The following TPH2 variants were observed in gnomAD, a reference collection of about 807,000 sequenced individuals.
TPH2 encodes the protein tryptophan 5-hydroxylase 2.
A neutral mutation model predicts 59.1 loss-of-function variants in TPH2; 27 were observed. The ratio of observed to expected loss-of-function variants is 0.46; its 90% CI spans 0.34 to 0.63. The LOEUF (loss-of-function observed/expected upper bound fraction) is 0.63. TPH2 is among the 30% of genes least tolerant of loss of function. The pLI is 0.01. For synonymous variants in TPH2, 220 were observed against 210.5 expected, an observed-to-expected ratio of 1.05 and a Z score of -0.39; for missense variants, 523 against 588.3, an observed-to-expected ratio of 0.89 and a Z score of 1.15.
At chr12:71,986,103 C>G (rs1347035342) in intron 7 of TPH2, among the ~76,000 whole-genome samples, 1 of 152,198 alleles carries the variant, frequency 6.6e-6, no homozygotes, top group Non-Finnish European at 1.5e-5. Flanking sequence ...TGTCCTCAGG[C>G]AGAAGGACCT....
At chr12:72,022,941 T>C (rs1222518858) in intron 9 of TPH2, among the ~76,000 whole-genome samples, 1 of 152,206 alleles carries the variant, frequency 6.6e-6, no homozygotes, top group African/African-American at 2.4e-5. Flanking sequence ...TGTTTCAGCT[T>C]CTTCAAAATT....
rs752096291 is a variant in TPH2 at position 71,944,331 on chromosome 12, A to T, written c.293A>T (p.Lys98Ile). 2 of 1,613,868 alleles carry T rather than the reference A, an allele frequency of 1.2e-6. No individual in the cohort carries two copies. Among genetic ancestry groups the T allele is most frequent in the Non-Finnish European group, 1.7e-6 (2 of 1,179,818 alleles). The change falls in exon 3 of 11, where the codon AAA becomes ATA. Residue 98 changes from lysine (K) to isoleucine (I), a missense_variant. Coordinates refer to ENST00000333850, the MANE Select transcript of TPH2 (RefSeq NM_173353.4). ...RVNMVHIESR[K>I]SRRRSSEVEI... ...AACATGGTTCATATTGAATCCAGGA[A>T]ATCTCGGCGAAGAAGTTCTGAGGTT...
intron 7 of TPH2, among the ~76,000 whole-genome samples, chr12:71,986,706 G>A (rs892784472): frequency 4.2e-5 from 6 of 142,482 alleles, no homozygotes; most frequent in Non-Finnish European, 7.5e-5. Flanking sequence ...ACCCAGTTCT[G>A]TTTTCCTTGT....
intron 8 of TPH2, among the ~76,000 whole-genome samples, chr12:72,018,742 C>T (rs1372393076): frequency 6.6e-6 from 1 of 152,146 alleles, no homozygotes; most frequent in Non-Finnish European, 1.5e-5. Flanking sequence ...GCCAAAGGCA[C>T]ACTAAGAAGA....
rs1871487028 is a variant in TPH2 at position 71,956,080 on chromosome 12, A to G, written c.608+6425A>G. Among the ~76,000 whole-genome samples, 4 of 152,182 alleles carry G rather than the reference A, an allele frequency of 2.6e-5. No homozygotes were observed. In the South Asian group the frequency reaches 8.3e-4, roughly 32 times the overall value. On this transcript the variant is annotated intron_variant, in intron 5 of 10. Coordinates refer to ENST00000333850, the MANE Select transcript of TPH2 (RefSeq NM_173353.4). The stretch of plus-strand genomic sequence containing the variant: ...CAGAGGACCTGCTTCCAATATGGTT[A>G]CTCATAGGGCTGTTTGCAGGAGGCG...
rs536341656 is a variant in TPH2, at chr12:71,958,804, T to A, written c.608+9149T>A. On this transcript the variant is annotated intron_variant, in intron 5 of 10. Coordinates refer to ENST00000333850, the MANE Select transcript of TPH2 (RefSeq NM_173353.4). ...CTAGCTTATCTATTTCTTGATTTTTTTATTTATAAAATTGCACCCTTTGTG... is the reference window on the plus strand; with the variant it reads ...CTAGCTTATCTATTTCTTGATTTTTATATTTATAAAATTGCACCCTTTGTG... 5.9e-5 allele frequency among the ~76,000 whole-genome samples: 9 copies of A among 152,366 alleles called. No homozygotes were observed. The East Asian group carries it at 1.7e-3, about 29-fold the overall frequency.
At chr12:71,977,089 T>C (rs1234418776) in intron 6 of TPH2, among the ~76,000 whole-genome samples, 2 of 152,316 alleles carry the variant, frequency 1.3e-5, no homozygotes, top group Non-Finnish European at 2.9e-5. Context: ...TCTTGCTCTG[T>C]TGCCCAAGCT....
At chr12:71,953,332 C>T (rs531816457) in intron 5 of TPH2, among the ~76,000 whole-genome samples, 9 of 152,174 alleles carry the variant, frequency 5.9e-5, no homozygotes, top group African/African-American at 2.2e-4. Context: ...CGCATGCTGT[C>T]ATTGCTAAAG....
chr12:71,994,349 A>G (rs1326923031), intron 7 of TPH2, 90 bp from the exon 8 acceptor site: 4 of 1,407,724 alleles, frequency 2.8e-6, no homozygotes, highest in African/African-American at 2.8e-5. Context: ...TTACAGTGAC[A>G]AGGTCTTATT....
intron 5 of TPH2, among the ~76,000 whole-genome samples, chr12:71,953,453 G>A (rs775599132): frequency 1.3e-5 from 2 of 152,072 alleles, no homozygotes; most frequent in Admixed American, 6.6e-5. Flanking sequence ...AGATACTAAC[G>A]AATTCCAAAT....
chr12:71,962,407 T>G (rs1779516416), intron 5 of TPH2: 1 of 985,462 alleles, frequency 1.0e-6, no homozygotes, highest in African/African-American at 1.7e-5. Context: ...CTGCTTTCTT[T>G]CCTGGTGAAA....
chr12:71,956,624 T>C (rs1871514157), intron 5 of TPH2, among the ~76,000 whole-genome samples: 1 of 151,612 alleles, frequency 6.6e-6, no homozygotes, highest in Non-Finnish European at 1.5e-5. Context: ...TCCTTCCTTT[T>C]TTTGAAACAG....
In TPH2 at chr12:71,994,420, G is replaced by C. The variant is rs771288338; in HGVS notation, c.942-19G>C. ...AAAGCTTCTTATTTAACACGTCTTT[G>C]TGATGTCTTTTTTGTCAGAGACACA... On this transcript the variant is annotated intron_variant, in intron 7 of 10. Transcript: ENST00000333850. 1.2e-6 allele frequency: 2 copies of C among 1,613,326 alleles called. No individual in the cohort carries two copies. Among genetic ancestry groups the C allele is most frequent in the South Asian group, 2.2e-5 (2 of 91,072 alleles).
chr12:72,025,448 A>G (rs1873541837), intron 9 of TPH2, among the ~76,000 whole-genome samples: 1 of 152,206 alleles, frequency 6.6e-6, no homozygotes, highest in African/African-American at 2.4e-5. Context: ...TGTTCTTTAG[A>G]GCTGGCCAAG....
intron 7 of TPH2, among the ~76,000 whole-genome samples, chr12:71,987,045 G>A (rs956189201): frequency 3.3e-5 from 5 of 152,154 alleles, no homozygotes; most frequent in Non-Finnish European, 4.4e-5. Context: ...TCCCACACAC[G>A]TTCTGTTTGT....
intron 5 of TPH2, among the ~76,000 whole-genome samples, chr12:71,953,746 C>T (rs990065219): frequency 2.0e-5 from 3 of 152,076 alleles, no homozygotes; most frequent in Non-Finnish European, 4.4e-5. Context: ...ATGCAGTCCT[C>T]GCAAATATAG....
chr12:71,959,323 A>G (rs1479801313), intron 5 of TPH2, among the ~76,000 whole-genome samples: 1 of 152,196 alleles, frequency 6.6e-6, no homozygotes, highest in Non-Finnish European at 1.5e-5. Context: ...AGAAAGAGAC[A>G]GATGATCAGA....
rs184989686 is a variant in TPH2 at position 72,024,709 on chromosome 12, G to C, written c.1164+2215G>C. ...GCCCTGACTTTCCACAGGATCTTCT[G>C]GTCTGGTTAATGAGGCATGTGTGGG... On this transcript the variant is annotated intron_variant, in intron 9 of 10. Transcript: ENST00000333850. Among the ~76,000 whole-genome samples the C allele has an allele frequency of 2.0e-5, 3 of 152,298 alleles. No individual in the cohort carries two copies. The East Asian group carries it at 5.8e-4, about 29-fold the overall frequency.
chr12:71,967,236 C>A lies in TPH2; in HGVS notation c.609-5283C>A, dbSNP rs181960190. Among the ~76,000 whole-genome samples the A allele has an allele frequency of 1.6e-3, 241 of 152,330 alleles. 3 individuals are homozygous for A. The highest frequency in any genetic ancestry group is 5.4e-3 in the African/African-American group (224 of 41,566). On this transcript the variant is annotated intron_variant, in intron 5 of 10. Coordinates refer to ENST00000333850, the MANE Select transcript of TPH2 (RefSeq NM_173353.4). Reference sequence around the variant, plus strand: ...CTATGCACTTTCCACTCCTTCTTCTCTGCAGGCACAAGGCTGGTTTTTCAG... The same window carrying A: ...CTATGCACTTTCCACTCCTTCTTCTATGCAGGCACAAGGCTGGTTTTTCAG...
Sources: allele counts gnomAD v4.1 joint callset (sites outside exome capture counted in the v4.1 genomes callset), GRCh38; gene constraint gnomAD v4.1.1; transcripts MANE v1.5; gene names NCBI Gene and HGNC (gene_info 2026-07-23, HGNC 2026-07-21).